Variants in ARMCX4 observed in about 807,000 individuals in gnomAD.
The protein encoded by ARMCX4 is armadillo repeat containing X-linked 4.
ARMCX4 carries 3 observed loss-of-function variants against 34.7 expected under a neutral mutation model. The observed-to-expected ratio is 0.09, with a 90% CI of 0.04 to 0.22. The LOEUF (loss-of-function observed/expected upper bound fraction) is 0.22. Among genes scored for constraint, ARMCX4 ranks in the 10% least tolerant of loss-of-function variants. The pLI, the probability that ARMCX4 is intolerant of heterozygous loss-of-function variation, is 1.00. For synonymous variants in ARMCX4, 513 were observed against 632.8 expected, an observed-to-expected ratio of 0.81 and a Z score of 2.84; for missense variants, 1,448 against 1,720.8, an observed-to-expected ratio of 0.84 and a Z score of 2.81.
chrX:101,465,590 C>A (rs1356152032), intron 4 of ARMCX4, among the ~76,000 whole-genome samples: 2 of 112,047 alleles, frequency 1.8e-5, no homozygotes, highest in Admixed American at 9.6e-5. Flanking sequence ...GTAGTTTGTT[C>A]ATTATTATTG....
At chrX:101,504,117 G>C (rs1293103366) in intron 7 of ARMCX4, among the ~76,000 whole-genome samples, 1 of 111,329 alleles carries the variant, frequency 9.0e-6, no homozygotes, top group Non-Finnish European at 1.9e-5. Context: ...CATTATTTCT[G>C]AGGGCTCTGT....
At chrX:101,425,845 G>C (rs1223302104) in intron 2 of ARMCX4, among the ~76,000 whole-genome samples, 1 of 110,776 alleles carries the variant, frequency 9.0e-6, no homozygotes, top group Non-Finnish European at 1.9e-5. Flanking sequence ...TTTTGAGACA[G>C]GGTCTCACGC....
intron 2 of ARMCX4, among the ~76,000 whole-genome samples, chrX:101,420,129 G>A: frequency 8.9e-6 from 1 of 111,873 alleles, no homozygotes; most frequent in Non-Finnish European, 1.9e-5. Context: ...CTGGGAGGCC[G>A]AGGCGGGTGG....
At chrX:101,441,683 C>T (rs1381311417) in intron 2 of ARMCX4, among the ~76,000 whole-genome samples, 1 of 111,345 alleles carries the variant, frequency 9.0e-6, no homozygotes, top group Non-Finnish European at 1.9e-5. Flanking sequence ...AGGCAGGCCA[C>T]CCACAACCGC....
chrX:101,467,239 T>C (rs1556002154), intron 4 of ARMCX4, among the ~76,000 whole-genome samples: 1 of 111,920 alleles, frequency 8.9e-6, no homozygotes, highest in East Asian at 2.8e-4. Flanking sequence ...AACCTTCACT[T>C]CTCAGGTTCA....
chrX:101,489,118 A>C lies in ARMCX4; in HGVS notation c.529A>C (p.Lys177Gln). 2 of 1,156,359 alleles carry C rather than the reference A, an allele frequency of 1.7e-6. No individual in the cohort carries two copies. The highest frequency in any genetic ancestry group is 4.6e-4 in the Middle Eastern group (2 of 4,308). The change falls in exon 6 of 6, where the codon AAG (lysine) becomes CAG (glutamine). Residue 177 changes from lysine (K) to glutamine (Q), a missense_variant. Transcript: ENST00000423738. ...GGCTAAAGCTTGGGCGCTGGTTGCCAAGACAGAGGCCAAGAGAGAAGCAAT... is the reference window on the plus strand; with the variant it reads ...GGCTAAAGCTTGGGCGCTGGTTGCCCAGACAGAGGCCAAGAGAGAAGCAAT... ...TKAKAWALVA[K>Q]TEAKREAMTQ...
At chrX:101,481,657 A>G (rs1414564722), upstream of ARMCX4, among the ~76,000 whole-genome samples, 3 of 111,609 alleles carry the variant, frequency 2.7e-5, no homozygotes, top group African/African-American at 9.8e-5. Context: ...TTAACTATAT[A>G]AAATCTCACA....
At chrX:101,438,556 T>A (rs1930984142) in intron 2 of ARMCX4, among the ~76,000 whole-genome samples, 1 of 110,611 alleles carries the variant, frequency 9.0e-6, no homozygotes, top group Middle Eastern at 4.6e-3. Flanking sequence ...CAGAGCGAGA[T>A]TCTGTTCCCC....
intron 2 of ARMCX4, among the ~76,000 whole-genome samples, chrX:101,436,829 A>G (rs373704583): frequency 4.5e-5 from 5 of 111,513 alleles, no homozygotes; most frequent in East Asian, 5.6e-4. Context: ...ATCAATACCT[A>G]ATTTATTGAG....
upstream of ARMCX4, among the ~76,000 whole-genome samples, chrX:101,484,025 T>A (rs1346621031): frequency 8.9e-6 from 1 of 111,947 alleles, no homozygotes; most frequent in East Asian, 2.8e-4. Context: ...AGTTTTGGGA[T>A]TATTCTGAGG....
At chrX:101,432,883 C>CACGTATGTATACGT (rs1273604737) in intron 2 of ARMCX4, among the ~76,000 whole-genome samples, 1 of 63,953 alleles carries the variant, frequency 1.6e-5, no homozygotes, top group African/African-American at 5.2e-5. Context: ...CATATGTATA[C>CACGTATGTATACGT]GTGTGTATAT....
intron 8 of ARMCX4, among the ~76,000 whole-genome samples, chrX:101,506,920 A>T (rs980919115): frequency 3.6e-5 from 4 of 111,852 alleles, no homozygotes; most frequent in African/African-American, 1.3e-4. Flanking sequence ...ATTACTTTTA[A>T]TTCCAGATTA....
At chrX:101,510,501 G>A (rs1424938099) in intron 10 of ARMCX4, among the ~76,000 whole-genome samples, 9 of 111,801 alleles carry the variant, frequency 8.1e-5, no homozygotes, top group African/African-American at 2.6e-4. Flanking sequence ...GTGAGGGTCT[G>A]TTTTTGAAAC....
At position 101,488,559 on chromosome X, in the gene ARMCX4, C is replaced by T. The variant is rs6621080; in HGVS notation, c.-31C>T. The T allele has an allele frequency of 0.13, 149,194 of 1,153,701 alleles. 6,949 individuals are homozygous for T. Among genetic ancestry groups the T allele is most frequent in the East Asian group, 0.18 (5,506 of 30,634 alleles). The stretch of plus-strand genomic sequence containing the variant: ...CCCAGCCCGAGTGCGCTCTACCATA[C>T]CTTGTTCGTGCTTTTAGCAGGGGTG... On this transcript the variant is annotated 5_prime_UTR_variant, in exon 6 of 6. Transcript: ENST00000423738.
intron 11 of ARMCX4, among the ~76,000 whole-genome samples, chrX:101,524,875 G>A (rs1308173720): frequency 1.8e-4 from 20 of 112,131 alleles, no homozygotes; most frequent in African/African-American, 6.5e-4. Context: ...GCAGGGCATA[G>A]CCTAACAAAA....
At chrX:101,518,787 AG>A (rs1463620123) in intron 11 of ARMCX4, among the ~76,000 whole-genome samples, 1 of 111,484 alleles carries the variant, frequency 9.0e-6, no homozygotes, top group Non-Finnish European at 1.9e-5. Flanking sequence ...ATATCAGATA[AG>A]TTAAATTCGA....
chrX:101,422,718 C>G (rs1220379522), intron 2 of ARMCX4, among the ~76,000 whole-genome samples: 4 of 111,177 alleles, frequency 3.6e-5, no homozygotes, highest in East Asian at 5.7e-4. Context: ...GTTTCAGAAT[C>G]AAACCACAAA....
rs1933923532 is a variant in ARMCX4 at position 101,490,359 on chromosome X, C to T, written c.1770C>T (p.Pro590=). Residue 590 remains proline (P), a synonymous_variant, in exon 6 of 6, where the codon CCC becomes CCT. Transcript: ENST00000423738. ...CAGACCAGAGGGTCTGTGGTCAGCC[C>T]CTGGTTGTGGCCAATCCCCAGGGTG... is the stretch of plus-strand genomic sequence containing the variant. ...TKADQRVCGQ[P]LVVANPQGEA... 8.7e-7 allele frequency: 1 copy of T among 1,150,744 alleles called. No individual in the cohort carries two copies. The highest frequency in any genetic ancestry group is 2.6e-5 in the Admixed American group (1 of 38,290). 94.8% of individuals were successfully genotyped at this position (1,150,744 alleles called of 1,213,427 possible). A position where few individuals can be genotyped will look rare whatever the true frequency, so the allele number is the denominator to read the frequency against.
At chrX:101,419,279 C>G (rs1856629916) in intron 2 of ARMCX4, 1 of 111,268 alleles carries the variant, frequency 9.0e-6, no homozygotes. Flanking sequence ...AATATGATGG[C>G]TTTCAAAAGC....
Sources: gnomAD v4.1 joint callset for allele counts (sites outside exome capture counted in the v4.1 genomes callset) on GRCh38, gnomAD v4.1.1 for gene constraint, MANE v1.5 for transcripts, NCBI Gene and HGNC (gene_info 2026-07-23, HGNC 2026-07-21) for gene names.